WIPF1: variants seen among roughly 807,000 people sequenced by gnomAD.
WIPF1 encodes the protein WAS/WASL interacting protein family member 1.
In WIPF1, 13 loss-of-function variants were observed where a neutral mutation model predicts 35.4. The ratio of observed to expected loss-of-function variants is 0.37; its 90% CI spans 0.24 to 0.58. WIPF1 has a LOEUF of 0.58. Among genes scored for constraint, WIPF1 ranks in the 20% least tolerant of loss-of-function variants. The pLI is 0.74. For missense variants in WIPF1, 591 were observed against 667.0 expected, an observed-to-expected ratio of 0.89 and a Z score of 1.25; for synonymous variants, 267 against 266.3, an observed-to-expected ratio of 1.00 and a Z score of -0.02.
In WIPF1 at chr2:174,571,665, T is replaced by A; in HGVS notation, c.1129+11A>T. ...GGTTTTGGAAGCAACTCACTCCACG[T>A]CTTGTCATACCTGATCGGCCTGGCG... On this transcript the variant is annotated intron_variant, in intron 5 of 7. Transcript: ENST00000679041. This position sits in a 1 kb window ranked among gnomAD's most constrained non-coding sequence, Gnocchi z 4.6. The A allele has an allele frequency of 6.2e-7, 1 of 1,614,154 alleles. No individual in the cohort carries two copies. Among genetic ancestry groups the A allele is most frequent in the Non-Finnish European group, 8.5e-7 (1 of 1,180,030 alleles).
chr2:174,591,659 T>A (rs867368226), intron 1 of WIPF1, among the ~76,000 whole-genome samples: 19 of 145,568 alleles, frequency 1.3e-4, no homozygotes, highest in Middle Eastern at 3.5e-3. Context: ...AATTACTGTT[T>A]CTTCTTTGTT....
At chr2:174,625,559 G>A (rs1686805227) in intron 1 of WIPF1, 1 of 152,172 alleles carries the variant, frequency 6.6e-6, no homozygotes, top group Non-Finnish European at 1.5e-5. Context: ...TGTCAATGGG[G>A]CTCATGGGAG....
chr2:174,645,191 TAAAC>T (rs1221440257), intron 1 of WIPF1, among the ~76,000 whole-genome samples: 7 of 152,234 alleles, frequency 4.6e-5, no homozygotes, highest in Admixed American at 1.3e-4. Flanking sequence ...CAATTTAGCT[TAAAC>T]AACCCTTTGA....
At chr2:174,595,134 ATATAT>A (rs1685774000) in intron 1 of WIPF1, among the ~76,000 whole-genome samples, 1 of 123,332 alleles carries the variant, frequency 8.1e-6, no homozygotes, top group African/African-American at 3.1e-5. Context: ...ATATATATAT[ATATAT>A]AATTAACTGG....
At chr2:174,579,992 C>A (rs1685183639) in intron 3 of WIPF1, among the ~76,000 whole-genome samples, 1 of 151,990 alleles carries the variant, frequency 6.6e-6, no homozygotes, top group Non-Finnish European at 1.5e-5. Context: ...GCTCTGTTGC[C>A]CAGGCTGGAG....
rs371993338 is a variant in WIPF1, at chr2:174,567,951, G to C, written c.1252C>G (p.Leu418Val). ...DSPRSGPRPP[L>V]PPDRPSAGAP... The stretch of plus-strand genomic sequence containing the variant: ...CCAGCACTGGGCCTATCAGGAGGAA[G>C]GGGAGGCCTGGGTCCACTCCTGGGA... Residue 418 changes from leucine (L) to valine (V), a missense_variant, in exon 6 of 8, where the codon CTT (leucine) becomes GTT (valine). By Grantham distance (32) the Leu-to-Val change is conservative (BLOSUM62 1). Coordinates refer to ENST00000679041, the MANE Select transcript of WIPF1 (RefSeq NM_001375834.1). 24 of 1,614,146 alleles carry C rather than the reference G, an allele frequency of 1.5e-5. No individual in the cohort carries two copies. Among genetic ancestry groups the C allele is most frequent in the Non-Finnish European group, 2.0e-5 (24 of 1,180,034 alleles).
intron 3 of WIPF1, among the ~76,000 whole-genome samples, chr2:174,575,940 T>A (rs1033391378): frequency 6.6e-6 from 1 of 151,680 alleles, no homozygotes; most frequent in Admixed American, 6.6e-5. Context: ...AAATAAAATA[T>A]CTCATAATTT....
At chr2:174,671,144 C>T (rs1367656825) in intron 1 of WIPF1, among the ~76,000 whole-genome samples, 1 of 152,216 alleles carries the variant, frequency 6.6e-6, no homozygotes, top group African/African-American at 2.4e-5. Context: ...GAGGGACCGG[C>T]TGAAGCCATG....
At chr2:174,588,847 G>T (rs927546493) in intron 1 of WIPF1, among the ~76,000 whole-genome samples, 1 of 152,228 alleles carries the variant, frequency 6.6e-6, no homozygotes, top group Non-Finnish European at 1.5e-5. Flanking sequence ...ACTTTTTAGA[G>T]GGTGATGCAG....
At chr2:174,575,510 T>C (rs986624628) in intron 3 of WIPF1, 130 bp from the exon 4 acceptor site, 8 of 1,443,616 alleles carry the variant, frequency 5.5e-6, no homozygotes, top group Non-Finnish European at 7.3e-6. Flanking sequence ...TTCATTAAAA[T>C]GCAGGATTTT....
intron 1 of WIPF1, among the ~76,000 whole-genome samples, chr2:174,665,942 A>G (rs1209756034): frequency 1.3e-5 from 2 of 152,206 alleles, no homozygotes; most frequent in African/African-American, 4.8e-5. Context: ...GCTGTTGTTT[A>G]AACTCTAACC....
rs576751803 is a variant in WIPF1, at chr2:174,674,948, A to ACACACACACACG, written c.-39+7825_-39+7826insCGTGTGTGTGTG. ...CACACACACACACACACACACACAC[A>ACACACACACACG]GATGTTCCAGGAAGAATGGTTGTAG... On this transcript the variant is annotated intron_variant, in intron 1 of 8. Transcript: ENST00000272746. Among the ~76,000 whole-genome samples the ACACACACACACG allele has an allele frequency of 2.8e-3, 408 of 147,194 alleles. 15 individuals carry two copies. Among genetic ancestry groups the ACACACACACACG allele is most frequent in the African/African-American group, 9.8e-3 (387 of 39,512 alleles).
intron 1 of WIPF1, among the ~76,000 whole-genome samples, chr2:174,635,349 G>T (rs1687153265): frequency 6.6e-6 from 1 of 152,038 alleles, no homozygotes; most frequent in Non-Finnish European, 1.5e-5. Context: ...GGCAGCGTGT[G>T]AGTCCTGGCC....
chr2:174,586,059 G>A (rs1185636804), intron 1 of WIPF1, among the ~76,000 whole-genome samples: 4 of 151,988 alleles, frequency 2.6e-5, no homozygotes, highest in African/African-American at 4.8e-5. Flanking sequence ...CCTGACATTC[G>A]CCAAGTCTGT....
At chr2:174,612,779 T>TAA (rs34651945) in intron 1 of WIPF1, among the ~76,000 whole-genome samples, 28 of 151,528 alleles carry the variant, frequency 1.8e-4, no homozygotes, top group Middle Eastern at 3.2e-3. Flanking sequence ...TATCTGGATT[T>TAA]AAAAAAAAAT....
At chr2:174,642,504 G>A (rs539202035) in intron 1 of WIPF1, among the ~76,000 whole-genome samples, 7 of 151,090 alleles carry the variant, frequency 4.6e-5, no homozygotes, top group East Asian at 2.0e-4. Flanking sequence ...CCACCACCAC[G>A]CCCGGCTAAT....
intron 7 of WIPF1, among the ~76,000 whole-genome samples, chr2:174,564,569 C>T (rs369582290): frequency 8.5e-5 from 13 of 152,190 alleles, no homozygotes; most frequent in African/African-American, 3.1e-4. Context: ...ACATTGCCTA[C>T]TCAAGTCTTA....
chr2:174,667,788 A>G (rs1015381379), intron 1 of WIPF1, among the ~76,000 whole-genome samples: 3 of 152,204 alleles, frequency 2.0e-5, no homozygotes, highest in Non-Finnish European at 4.4e-5. Flanking sequence ...TCTCCGCAGC[A>G]GGTTTTGAGA....
At chr2:174,681,144 T>C (rs1208594518) in intron 1 of WIPF1, among the ~76,000 whole-genome samples, 1 of 152,234 alleles carries the variant, frequency 6.6e-6, no homozygotes, top group Non-Finnish European at 1.5e-5. Context: ...TGTGTTTTCA[T>C]GGAGCCAAAG....
Sources: gnomAD v4.1 joint callset for allele counts (sites outside exome capture counted in the v4.1 genomes callset) on GRCh38, gnomAD v4.1.1 for gene constraint, Gnocchi (gnomAD v3.1) non-coding constraint, MANE v1.5 for transcripts, NCBI Gene and HGNC (gene_info 2026-07-23, HGNC 2026-07-21) for gene names.